CDH4: variants seen among roughly 807,000 people sequenced by gnomAD.
The protein encoded by CDH4 is cadherin-4.
CDH4 carries 33 observed loss-of-function variants against 86.0 expected under a neutral mutation model. That is an observed-to-expected ratio of 0.38 (90% CI 0.29 to 0.51). The LOEUF (loss-of-function observed/expected upper bound fraction) is 0.51. Among genes scored for constraint, CDH4 ranks in the 20% least tolerant of loss-of-function variants. CDH4 has a pLI of 0.86. For synonymous variants in CDH4, 555 were observed against 549.4 expected (o/e 1.01, Z -0.14); for missense variants, 1,114 against 1,307.4 (o/e 0.85, Z 2.28).
At chr20:61,500,188 G>GTTTGT (rs2085690773) in intron 2 of CDH4, among the ~76,000 whole-genome samples, 1 of 152,164 alleles carries the variant, frequency 6.6e-6, no homozygotes, top group Admixed American at 6.5e-5. Context: ...TCATACTACT[G>GTTTGT]TTGTGTTTGT....
intron 2 of CDH4, among the ~76,000 whole-genome samples, chr20:61,731,702 C>T (rs959604153): frequency 6.6e-6 from 1 of 152,246 alleles, no homozygotes; most frequent in Non-Finnish European, 1.5e-5. Context: ...GACGCTGCCA[C>T]ATCATCTGGG....
At chr20:61,614,456 T>A (rs2086709830) in intron 2 of CDH4, among the ~76,000 whole-genome samples, 2 of 152,052 alleles carry the variant, frequency 1.3e-5, no homozygotes, top group African/African-American at 4.8e-5. Context: ...GGAGCCATTC[T>A]AGCAACAGAC....
intron 2 of CDH4, among the ~76,000 whole-genome samples, chr20:61,288,372 C>T (rs781091587): frequency 6.6e-6 from 1 of 152,166 alleles, no homozygotes; most frequent in Non-Finnish European, 1.5e-5. Context: ...TGACAGCCAG[C>T]GTTCAAAGCG....
intron 2 of CDH4, among the ~76,000 whole-genome samples, chr20:61,661,207 G>A (rs1478077023): frequency 3.9e-5 from 6 of 152,034 alleles, no homozygotes; most frequent in African/African-American, 9.7e-5. Flanking sequence ...GGCTGTCACC[G>A]TCAGCCGGTG....
At chr20:61,387,736 C>T (rs1260924701) in intron 2 of CDH4, among the ~76,000 whole-genome samples, 1 of 152,180 alleles carries the variant, frequency 6.6e-6, no homozygotes, top group Non-Finnish European at 1.5e-5. Flanking sequence ...ACGCAAGCCT[C>T]TATTTTATAA....
chr20:61,278,829 T>C (rs1210486026), intron 2 of CDH4, among the ~76,000 whole-genome samples: 1 of 152,248 alleles, frequency 6.6e-6, no homozygotes, highest in Non-Finnish European at 1.5e-5. Flanking sequence ...CAGGCCTGCC[T>C]GGGCTGGCCG....
intron 2 of CDH4, among the ~76,000 whole-genome samples, chr20:61,737,561 C>T (rs1007800699): frequency 6.6e-5 from 10 of 152,330 alleles, no homozygotes; most frequent in African/African-American, 2.4e-4. Flanking sequence ...ACCACCCTGG[C>T]CTCAGCCTGT....
intron 2 of CDH4, among the ~76,000 whole-genome samples, chr20:61,459,792 G>A (rs1272201355): frequency 6.6e-6 from 1 of 151,932 alleles, no homozygotes; most frequent in Non-Finnish European, 1.5e-5. Flanking sequence ...ATTCCCCCAG[G>A]CTCACATGAG....
chr20:61,660,603 ACGGGGCGGT>A (rs775303504), intron 2 of CDH4, among the ~76,000 whole-genome samples: 14 of 152,092 alleles, frequency 9.2e-5, no homozygotes, highest in Non-Finnish European at 1.9e-4. Flanking sequence ...AGAGGGGTGG[ACGGGGCGGT>A]CGTTCCCGGC....
rs575353468 is a variant in CDH4 at position 61,713,358 on chromosome 20, T to G, written c.170-30205T>G. The stretch of plus-strand genomic sequence containing the variant: ...CAAGGAGTGAGCTAAGCCATGGGGG[T>G]CCCGTGCAAGCAGCCCACCTTTCAA... On this transcript the variant is annotated intron_variant, in intron 2 of 15. Transcript: ENST00000614565. 3.2e-3 allele frequency among the ~76,000 whole-genome samples: 486 copies of G among 152,002 alleles called. 1 individual carries two copies. Among genetic ancestry groups the G allele is most frequent in the African/African-American group, 0.01 (427 of 41,438 alleles).
Position 61,518,305 on chromosome 20 carries a change from A to G in CDH4, c.170-225258A>G, listed in dbSNP as rs1421879397. Among the ~76,000 whole-genome samples, 1 of 152,150 alleles carries G rather than the reference A, an allele frequency of 6.6e-6. No individual in the cohort carries two copies. Among genetic ancestry groups the G allele is most frequent in the African/African-American group, 2.4e-5 (1 of 41,426 alleles). Reference sequence around the variant, plus strand: ...AAGTGGAGGACTCCCAGGTGCAGAGATGGGCTCTTAACCACCTCTTCCCTA... The same window carrying G: ...AAGTGGAGGACTCCCAGGTGCAGAGGTGGGCTCTTAACCACCTCTTCCCTA... On this transcript the variant is annotated intron_variant, in intron 2 of 15. Transcript: ENST00000614565. The surrounding 1 kb of genome is among the most constrained non-coding windows in gnomAD (Gnocchi z 6.3).
intron 2 of CDH4, among the ~76,000 whole-genome samples, chr20:61,669,922 G>A (rs969152090): frequency 1.3e-5 from 2 of 152,172 alleles, no homozygotes; most frequent in Non-Finnish European, 2.9e-5. Context: ...TGGTGGACCT[G>A]AGCTCCAAGC....
chr20:61,781,190 C>T (rs1978521802), intron 4 of CDH4, among the ~76,000 whole-genome samples: 1 of 152,068 alleles, frequency 6.6e-6, no homozygotes, highest in Non-Finnish European at 1.5e-5. Flanking sequence ...GAACCAGGGT[C>T]TCTACAAGGT....
At chr20:61,599,866 C>T in intron 2 of CDH4, 1 of 985,588 alleles carries the variant, frequency 1.0e-6, no homozygotes, top group Non-Finnish European at 1.2e-6. Flanking sequence ...GCACACAACA[C>T]AGGAGCAATC....
At chr20:61,687,444 A>AC (rs1436080629) in intron 2 of CDH4, among the ~76,000 whole-genome samples, 1 of 152,236 alleles carries the variant, frequency 6.6e-6, no homozygotes, top group Non-Finnish European at 1.5e-5. Context: ...CCGGGGACCC[A>AC]CAGACACTGC....
At chr20:61,642,558 T>G (rs1242533121) in intron 2 of CDH4, among the ~76,000 whole-genome samples, 1 of 152,220 alleles carries the variant, frequency 6.6e-6, no homozygotes, top group Non-Finnish European at 1.5e-5. Flanking sequence ...GGTGGGCAGT[T>G]TGAAGCACAG....
At chr20:61,652,869 T>TA (rs1423816420) in intron 2 of CDH4, among the ~76,000 whole-genome samples, 7 of 120,438 alleles carry the variant, frequency 5.8e-5, no homozygotes, top group Non-Finnish European at 1.3e-4. Flanking sequence ...GGGGGGGGGA[T>TA]AAAAAATGAT....
At chr20:61,433,589 G>A (rs1182709105) in intron 2 of CDH4, among the ~76,000 whole-genome samples, 2 of 152,120 alleles carry the variant, frequency 1.3e-5, no homozygotes, top group African/African-American at 2.4e-5. Context: ...CTGAAATGCA[G>A]CATGCAAGGG....
At chr20:61,768,023 C>T (rs139180467) in intron 3 of CDH4, among the ~76,000 whole-genome samples, 2,345 of 152,276 alleles carry the variant, frequency 0.015, 26 homozygotes, top group Middle Eastern at 0.058. Context: ...TCTGCAGGCA[C>T]GAGCTTGGTT....
Sources: allele counts gnomAD v4.1 joint callset (sites outside exome capture counted in the v4.1 genomes callset), GRCh38; gene constraint gnomAD v4.1.1; non-coding constraint Gnocchi (gnomAD v3.1); transcripts MANE v1.5; gene names NCBI Gene and HGNC (gene_info 2026-07-23, HGNC 2026-07-21).